The following ZFAT variants were observed in gnomAD, a reference collection of about 807,000 sequenced individuals.
ZFAT encodes zinc finger protein ZFAT.
In ZFAT, 64 loss-of-function variants were observed where a neutral mutation model predicts 117.7. The ratio of observed to expected loss-of-function variants is 0.54; its 90% CI spans 0.44 to 0.67. The LOEUF (loss-of-function observed/expected upper bound fraction) is 0.67, where lower values mean the gene tolerates loss of function less well. Ranked by LOEUF, ZFAT falls within the 30% of genes least tolerant of loss-of-function variation. The pLI is 0.00. For synonymous variants in ZFAT, 679 were observed against 615.0 expected, an observed-to-expected ratio of 1.10 and a Z score of -1.54; for missense variants, 1,433 against 1,584.5, an observed-to-expected ratio of 0.90 and a Z score of 1.62.
At chr8:134,692,370 G>A (rs998103564) in intron 1 of ZFAT, among the ~76,000 whole-genome samples, 4 of 152,174 alleles carry the variant, frequency 2.6e-5, no homozygotes, top group Admixed American at 1.3e-4. Flanking sequence ...AAAGACTCTC[G>A]CTGAAGGGTT....
chr8:134,794,706 C>T, the ZFAT span: 1 of 152,168 alleles, frequency 6.6e-6, no homozygotes, highest in African/African-American at 2.4e-5. Flanking sequence ...AATTTAACTT[C>T]CATAGGATCA....
intron 3 of ZFAT, among the ~76,000 whole-genome samples, chr8:134,612,322 T>C (rs1010470127): frequency 1.3e-5 from 2 of 152,188 alleles, no homozygotes; most frequent in African/African-American, 4.8e-5. Context: ...TGCAGTAATA[T>C]GGCAGGAACA....
chr8:134,652,033 A>G (rs955639609), intron 2 of ZFAT, among the ~76,000 whole-genome samples: 5 of 152,104 alleles, frequency 3.3e-5, no homozygotes, highest in African/African-American at 1.2e-4. Context: ...AATAAAGACA[A>G]TAGGCTGGGC....
chr8:134,826,258 C>T, the ZFAT span, among the ~76,000 whole-genome samples: 2 of 152,174 alleles, frequency 1.3e-5, no homozygotes, highest in African/African-American at 4.8e-5. Context: ...CCTGCTCCAA[C>T]TAGTCATTTT....
the ZFAT span, among the ~76,000 whole-genome samples, chr8:134,724,862 G>A: frequency 0.019 from 2,842 of 152,154 alleles, 75 homozygotes; most frequent in African/African-American, 0.064. Context: ...CAGTTAAAGC[G>A]CTTCTCCCTT....
intron 1 of ZFAT, among the ~76,000 whole-genome samples, chr8:134,664,543 C>G (rs1832112795): frequency 6.6e-6 from 1 of 152,238 alleles, no homozygotes; most frequent in Non-Finnish European, 1.5e-5. Context: ...TCAACAGAAC[C>G]TATGAGTGCC....
At chr8:134,795,327 C>CT in the ZFAT span, 2 of 152,176 alleles carry the variant, frequency 1.3e-5, no homozygotes, top group Non-Finnish European at 2.9e-5. Context: ...GGCTTGGAGA[C>CT]TGAGTTAATC....
chr8:134,622,383 C>T lies in ZFAT; in HGVS notation c.449-11728G>A, dbSNP rs906100768. Among the ~76,000 whole-genome samples the T allele has an allele frequency of 2.0e-5, 3 of 152,266 alleles. No individual in the cohort carries two copies. In the East Asian group the frequency reaches 5.8e-4, roughly 29 times the overall value. On this transcript the variant is annotated intron_variant, in intron 3 of 15. Transcript: ENST00000377838. ...TTGAAAAAGTGATGACATCGCACAA[C>T]GTGGAATGCAAACCTTAAAGAGGGA...
intron 15 of ZFAT, among the ~76,000 whole-genome samples, chr8:134,495,863 G>A (rs1426538060): frequency 6.6e-6 from 1 of 152,106 alleles, no homozygotes; most frequent in African/African-American, 2.4e-5. Flanking sequence ...AGGGGAGGTT[G>A]AGGCTGCAGT....
chr8:134,645,729 A>G (rs1830848598), intron 2 of ZFAT, among the ~76,000 whole-genome samples: 1 of 152,186 alleles, frequency 6.6e-6, no homozygotes, highest in African/African-American at 2.4e-5. Context: ...ATATTCCTCA[A>G]TTATAAAATC....
At chr8:134,556,481 C>A (rs1419347337) in intron 11 of ZFAT, among the ~76,000 whole-genome samples, 2 of 151,720 alleles carry the variant, frequency 1.3e-5, no homozygotes, top group Non-Finnish European at 2.9e-5. Context: ...CTCAACAAAC[C>A]CCAAGTAAGG....
chr8:134,588,526 T>A, intron 8 of ZFAT, 131 bp from the exon 9 acceptor site: 2 of 1,027,274 alleles, frequency 1.9e-6, no homozygotes, highest in Non-Finnish European at 2.7e-6. Context: ...AGACAGGATT[T>A]TCACCTAAAA....
intron 1 of ZFAT, among the ~76,000 whole-genome samples, chr8:134,658,166 T>C (rs1208488647): frequency 6.6e-6 from 1 of 151,858 alleles, no homozygotes; most frequent in Admixed American, 6.6e-5. Context: ...TGAAATCTCG[T>C]CTCTACTAAA....
At chr8:134,786,540 C>T in the ZFAT span, among the ~76,000 whole-genome samples, 4 of 152,098 alleles carry the variant, frequency 2.6e-5, no homozygotes, top group Non-Finnish European at 4.4e-5. Flanking sequence ...TTCTCTTTAA[C>T]CTATTAACAT....
intron 15 of ZFAT, among the ~76,000 whole-genome samples, chr8:134,488,189 C>T (rs1053889733): frequency 3.3e-5 from 5 of 152,220 alleles, no homozygotes; most frequent in South Asian, 2.1e-4. Context: ...GGCCTTCATA[C>T]AGGTAAACGG....
At chr8:134,569,214 G>C (rs192521383) in intron 10 of ZFAT, among the ~76,000 whole-genome samples, 2 of 152,140 alleles carry the variant, frequency 1.3e-5, no homozygotes, top group Admixed American at 1.3e-4. Flanking sequence ...TCATGGATGA[G>C]GACCTGGTAT....
At chr8:134,809,821 T>G in the ZFAT span, among the ~76,000 whole-genome samples, 8 of 152,188 alleles carry the variant, frequency 5.3e-5, no homozygotes, top group Non-Finnish European at 1.2e-4. Flanking sequence ...ATTTTTGTTT[T>G]CAAAATTCTC....
chr8:134,779,130 C>A, the ZFAT span, among the ~76,000 whole-genome samples: 1 of 152,166 alleles, frequency 6.6e-6, no homozygotes, highest in Non-Finnish European at 1.5e-5. Flanking sequence ...GGAATCTGAA[C>A]CTAATTCTCA....
At chr8:134,752,066 G>C in the ZFAT span, among the ~76,000 whole-genome samples, 7 of 152,228 alleles carry the variant, frequency 4.6e-5, no homozygotes, top group East Asian at 1.3e-3. Context: ...AGGGGGTTAG[G>C]CTAGATCAAC....
Sources: allele counts gnomAD v4.1 joint callset (sites outside exome capture counted in the v4.1 genomes callset), GRCh38; gene constraint gnomAD v4.1.1; transcripts MANE v1.5; gene names NCBI Gene and HGNC (gene_info 2026-07-23, HGNC 2026-07-21).